Variants in DIP2C observed in about 807,000 individuals in gnomAD.
DIP2C encodes the protein disco-interacting protein 2 homolog C.
A neutral mutation model predicts 192.4 loss-of-function variants in DIP2C; 33 were observed. The ratio of observed to expected loss-of-function variants is 0.17; its 90% CI spans 0.13 to 0.23. The LOEUF is 0.23. Among genes scored for constraint, DIP2C ranks in the 10% least tolerant of loss-of-function variants. The pLI is 1.00. For missense variants in DIP2C, 1,537 were observed against 2,110.1 expected, an observed-to-expected ratio of 0.73 and a Z score of 5.32; for synonymous variants, 979 against 864.1, an observed-to-expected ratio of 1.13 and a Z score of -2.33.
chr10:478,585 G>A (rs1020866197), intron 2 of DIP2C, among the ~76,000 whole-genome samples: 4 of 151,452 alleles, frequency 2.6e-5, no homozygotes, highest in Admixed American at 6.6e-5. Context: ...CACTCATCCC[G>A]TGTCCGGGCG....
chr10:376,090 G>A (rs576866630), intron 17 of DIP2C, among the ~76,000 whole-genome samples: 1 of 152,318 alleles, frequency 6.6e-6, no homozygotes, highest in East Asian at 1.9e-4. Flanking sequence ...GTGCTTTCAA[G>A]CTCTGTGTGT....
intron 1 of DIP2C, among the ~76,000 whole-genome samples, chr10:516,833 A>G (rs1426790165): frequency 2.4e-3 from 4 of 1,674 alleles, no homozygotes; most frequent in African/African-American, 9.5e-3. Context: ...GTAGGGTGGG[A>G]GGGGGGACAG....
intron 26 of DIP2C, 138 bp from the exon 27 acceptor site, chr10:345,248 G>A (rs1224134715): frequency 2.3e-6 from 2 of 862,302 alleles, no homozygotes; most frequent in South Asian, 1.4e-5. Flanking sequence ...GAGCCCTCCT[G>A]CTGGCTAAGG....
At chr10:627,575 A>G (rs1289445929) in intron 1 of DIP2C, among the ~76,000 whole-genome samples, 1 of 152,208 alleles carries the variant, frequency 6.6e-6, no homozygotes, top group East Asian at 1.9e-4. Context: ...AGTAATTAGT[A>G]CACTTTCACC....
At chr10:476,358 G>C (rs1843030944) in intron 2 of DIP2C, among the ~76,000 whole-genome samples, 1 of 152,148 alleles carries the variant, frequency 6.6e-6, no homozygotes, top group Admixed American at 6.5e-5. Flanking sequence ...AATCCGTCTG[G>C]CTCCTGTCAT....
chr10:585,710 T>A (rs751339836), intron 1 of DIP2C, among the ~76,000 whole-genome samples: 16 of 152,288 alleles, frequency 1.1e-4, no homozygotes, highest in Middle Eastern at 6.8e-3. Context: ...TGCTCTCTAC[T>A]GCCACAAACG....
chr10:669,977 A>T (rs1037041315), intron 1 of DIP2C, among the ~76,000 whole-genome samples: 5 of 152,204 alleles, frequency 3.3e-5, no homozygotes, highest in Non-Finnish European at 7.4e-5. Context: ...ATCTTTATTA[A>T]TGATGAGCTA....
At chr10:573,527 G>C (rs1849956898) in intron 1 of DIP2C, among the ~76,000 whole-genome samples, 1 of 152,104 alleles carries the variant, frequency 6.6e-6, no homozygotes, top group South Asian at 2.1e-4. Flanking sequence ...TCTTACTTCA[G>C]CCTCTAGAGT....
At chr10:415,142 C>T (rs939684669) in intron 7 of DIP2C, among the ~76,000 whole-genome samples, 5 of 151,924 alleles carry the variant, frequency 3.3e-5, no homozygotes, top group African/African-American at 9.7e-5. Flanking sequence ...ATAAATACCA[C>T]CTGCCCAATC....
At chr10:567,115 C>A (rs1438070758) in intron 1 of DIP2C, among the ~76,000 whole-genome samples, 1 of 152,178 alleles carries the variant, frequency 6.6e-6, no homozygotes, top group Non-Finnish European at 1.5e-5. Flanking sequence ...GTATCCAGGG[C>A]CCATCTCAGA....
chr10:370,309 G>A (rs1391161687), intron 17 of DIP2C, among the ~76,000 whole-genome samples: 7 of 152,206 alleles, frequency 4.6e-5, no homozygotes, highest in Non-Finnish European at 7.3e-5. Context: ...CCACGCTGGG[G>A]CCCACCCCAC....
intron 1 of DIP2C, among the ~76,000 whole-genome samples, chr10:506,793 C>T (rs1009044417): frequency 1.3e-5 from 2 of 152,232 alleles, no homozygotes; most frequent in African/African-American, 2.4e-5. Flanking sequence ...CACCTCACAC[C>T]CAGGAAACGA....
At chr10:419,675 T>C (rs1217538124) in intron 5 of DIP2C, among the ~76,000 whole-genome samples, 1 of 152,170 alleles carries the variant, frequency 6.6e-6, no homozygotes, top group East Asian at 1.9e-4. Flanking sequence ...GCCATGACCG[T>C]GTAGGGTAGT....
intron 31 of DIP2C, among the ~76,000 whole-genome samples, chr10:318,105 C>T (rs1347762515): frequency 2.0e-5 from 3 of 152,012 alleles, no homozygotes; most frequent in Non-Finnish European, 2.9e-5. Context: ...TATGGAGATG[C>T]GTAAGGGCAG....
intron 17 of DIP2C, among the ~76,000 whole-genome samples, chr10:370,545 G>A (rs1209216745): frequency 6.6e-6 from 1 of 152,160 alleles, no homozygotes; most frequent in Admixed American, 6.5e-5. Flanking sequence ...TCCCAAGAGC[G>A]GCCACAGTTT....
chr10:670,941 A>G (rs1193786920), intron 1 of DIP2C, among the ~76,000 whole-genome samples: 7 of 152,238 alleles, frequency 4.6e-5, no homozygotes, highest in Admixed American at 4.6e-4. Flanking sequence ...CACACACCTG[A>G]AACCAGGTCT....
chr10:422,097 C>T (rs1284622613), intron 5 of DIP2C, among the ~76,000 whole-genome samples: 2 of 152,130 alleles, frequency 1.3e-5, no homozygotes, highest in African/African-American at 4.8e-5. Context: ...GGTCTGAGCC[C>T]GTGGCTCGAG....
rs115451703 is a variant in DIP2C, at chr10:416,629, A to C, written c.740-741T>G. Among the ~76,000 whole-genome samples, 927 of 152,330 alleles carry C rather than the reference A, an allele frequency of 6.1e-3. 3 individuals are homozygous for C. The highest frequency in any genetic ancestry group is 0.014 in the East Asian group (72 of 5,190). Reference sequence around the variant, plus strand: ...AGCCCCATTTTAAAATACTGTGCTAATTATAATGAATGCTGCACCATTCTG... The same window carrying C: ...AGCCCCATTTTAAAATACTGTGCTACTTATAATGAATGCTGCACCATTCTG... On this transcript the variant is annotated intron_variant, in intron 6 of 36. Coordinates refer to ENST00000280886, the MANE Select transcript of DIP2C (RefSeq NM_014974.3).
At chr10:280,256 G>C (rs1954745260) in intron 36 of DIP2C, among the ~76,000 whole-genome samples, 1 of 152,164 alleles carries the variant, frequency 6.6e-6, no homozygotes, top group South Asian at 2.1e-4. Flanking sequence ...TTGCATCTCA[G>C]CTAGCTAAGA....
Sources: allele counts gnomAD v4.1 joint callset (sites outside exome capture counted in the v4.1 genomes callset), GRCh38; gene constraint gnomAD v4.1.1; transcripts MANE v1.5; gene names NCBI Gene and HGNC (gene_info 2026-07-23, HGNC 2026-07-21).